SGMS2: variants seen among roughly 807,000 people sequenced by gnomAD.
SGMS2 encodes sphingomyelin synthase 2.
A neutral mutation model predicts 43.8 loss-of-function variants in SGMS2; 21 were observed. That is an observed-to-expected ratio of 0.48 (90% CI 0.34 to 0.69). The LOEUF (loss-of-function observed/expected upper bound fraction) is 0.69. SGMS2 is among the 30% of genes least tolerant of loss of function. SGMS2 has a pLI of 0.01. For missense variants in SGMS2, 384 were observed against 443.2 expected (o/e 0.87, Z 1.20); for synonymous variants, 167 against 160.6 (o/e 1.04, Z -0.30).
chr4:107,906,819 A>G (rs1471170492), intron 5 of SGMS2, among the ~76,000 whole-genome samples: 1 of 152,240 alleles, frequency 6.6e-6, no homozygotes, highest in Non-Finnish European at 1.5e-5. Context: ...GACCTACTTC[A>G]ACTTTGCTTC....
chr4:107,906,214 G>A (rs773982125), intron 5 of SGMS2, among the ~76,000 whole-genome samples: 18 of 151,922 alleles, frequency 1.2e-4, no homozygotes, highest in South Asian at 4.2e-4. Context: ...TTACTTTCCC[G>A]CCTTTTGATC....
Position 107,903,345 on chromosome 4 carries a change from A to ACT in SGMS2, c.687_688insTC (p.Thr230SerfsTer5). Reference sequence around the variant, plus strand: ...TGTGGAGACTTCCTCTTCAGCGGTCACACGGTTACGCTGACACTGACTTAT... The same window carrying ACT: ...TGTGGAGACTTCCTCTTCAGCGGTCACTCACGGTTACGCTGACACTGACTTAT... On this transcript the variant is annotated frameshift_variant, in exon 5 of 7. Coordinates refer to ENST00000690982, the MANE Select transcript of SGMS2 (RefSeq NM_001375905.1). LOFTEE classifies it high-confidence loss of function. The ACT allele has an allele frequency of 6.2e-7, 1 of 1,613,906 alleles. No homozygotes were observed. The highest frequency in any genetic ancestry group is 8.5e-7 in the Non-Finnish European group (1 of 1,179,826).
chr4:107,845,201 A>G (rs1726744808), intron 1 of SGMS2, among the ~76,000 whole-genome samples: 1 of 152,188 alleles, frequency 6.6e-6, no homozygotes, highest in African/African-American at 2.4e-5. Flanking sequence ...ATGTCGTAGC[A>G]TCCTGCAAGA....
Position 107,912,338 on chromosome 4 carries a change from C to T in SGMS2, c.*1785C>T, listed in dbSNP as rs1398274125. On this transcript the variant is annotated 3_prime_UTR_variant, in exon 7 of 7. Transcript: ENST00000690982. ...AACATCCTTGGCAGGCTTTGAAGCACACAGAATTTTCTAGTATTTCTTATT... is the reference window on the plus strand; with the variant it reads ...AACATCCTTGGCAGGCTTTGAAGCATACAGAATTTTCTAGTATTTCTTATT... The T allele has an allele frequency of 2.6e-5, 4 of 152,290 alleles. No individual in the cohort carries two copies. Among genetic ancestry groups the T allele is most frequent in the South Asian group, 4.1e-4 (2 of 4,824 alleles). 9.4% of individuals were successfully genotyped at this position (152,290 alleles called of 1,614,324 possible).
chr4:107,861,242 GAACA>G (rs370625137), intron 2 of SGMS2, among the ~76,000 whole-genome samples: 2 of 152,154 alleles, frequency 1.3e-5, no homozygotes, highest in South Asian at 2.1e-4. Context: ...TTCAGCATGG[GAACA>G]AACATTCTTC....
At chr4:107,868,601 C>T (rs774540835) in intron 2 of SGMS2, among the ~76,000 whole-genome samples, 1 of 152,090 alleles carries the variant, frequency 6.6e-6, no homozygotes, top group Non-Finnish European at 1.5e-5. Flanking sequence ...GCCTGTAATC[C>T]TAGCTACTCG....
At chr4:107,862,440 A>C (rs2126034902) in intron 2 of SGMS2, among the ~76,000 whole-genome samples, 1 of 152,326 alleles carries the variant, frequency 6.6e-6, no homozygotes, top group African/African-American at 2.4e-5. Flanking sequence ...GAATATGTGA[A>C]AGAACTAATT....
intron 1 of SGMS2, among the ~76,000 whole-genome samples, chr4:107,828,326 G>A (rs1000637812): frequency 2.0e-5 from 3 of 152,126 alleles, no homozygotes; most frequent in East Asian, 1.9e-4. Context: ...ACTCCAACCC[G>A]GTGAGGTAGG....
At chr4:107,850,236 T>C (rs1424877805) in intron 1 of SGMS2, among the ~76,000 whole-genome samples, 1 of 152,236 alleles carries the variant, frequency 6.6e-6, no homozygotes, top group African/African-American at 2.4e-5. Context: ...GATGCCAGCA[T>C]CATGCTTCCT....
chr4:107,905,737 G>A (rs146261731), intron 5 of SGMS2, among the ~76,000 whole-genome samples: 215 of 152,244 alleles, frequency 1.4e-3, no homozygotes, highest in African/African-American at 4.9e-3. Context: ...TAACTCTATC[G>A]TATTGCCAAG....
At chr4:107,890,111 G>A (rs10019025) in intron 2 of SGMS2, among the ~76,000 whole-genome samples, 107,896 of 152,100 alleles carry the variant, frequency 0.71, 39,050 homozygotes, top group African/African-American at 0.84. Flanking sequence ...CTCTGTTGCA[G>A]TAACTATTTT....
chr4:107,878,474 A>G (rs899344477), intron 2 of SGMS2, among the ~76,000 whole-genome samples: 2 of 152,216 alleles, frequency 1.3e-5, no homozygotes, highest in Non-Finnish European at 2.9e-5. Context: ...TATTTCAAAT[A>G]TCCCCTAGTC....
chr4:107,886,658 TTTAC>T (rs1008837932), intron 2 of SGMS2: 1 of 152,166 alleles, frequency 6.6e-6, no homozygotes, highest in Non-Finnish European at 1.5e-5. Context: ...AGTGACATTC[TTTAC>T]TTACCACAGG....
At chr4:107,879,178 A>G (rs1428923393) in intron 2 of SGMS2, among the ~76,000 whole-genome samples, 2 of 146,180 alleles carry the variant, frequency 1.4e-5, no homozygotes, top group African/African-American at 5.1e-5. Flanking sequence ...GTAAATTTTG[A>G]TGAATTTTGC....
chr4:107,846,131 C>CT, intron 1 of SGMS2, among the ~76,000 whole-genome samples: 1 of 151,704 alleles, frequency 6.6e-6, no homozygotes, highest in East Asian at 1.9e-4. Context: ...TATAATTGTA[C>CT]TTTAAGTTTT....
intron 2 of SGMS2, among the ~76,000 whole-genome samples, chr4:107,862,593 G>A (rs1047480012): frequency 1.3e-5 from 2 of 152,010 alleles, no homozygotes; most frequent in East Asian, 1.9e-4. Flanking sequence ...CAGCTACAAA[G>A]GACCTGTTTA....
chr4:107,889,108 T>G (rs1468853770), intron 2 of SGMS2, among the ~76,000 whole-genome samples: 1 of 152,160 alleles, frequency 6.6e-6, no homozygotes, highest in Admixed American at 6.6e-5. Context: ...ACAGTAACAG[T>G]CCTTTCTCAA....
Position 107,881,354 on chromosome 4 carries a change from A to G in SGMS2, c.-244-13956A>G, listed in dbSNP as rs112270128. Among the ~76,000 whole-genome samples, 1,472 of 152,290 alleles carry G rather than the reference A, an allele frequency of 9.7e-3. 14 individuals carry two copies. The highest frequency in any genetic ancestry group is 0.01 in the Non-Finnish European group (709 of 68,036). ...ATGGAATGGTACTAGAGGCAGTGGTATACCATTTAGGCACAGAGGCTCCTG... is the reference window on the plus strand; with the variant it reads ...ATGGAATGGTACTAGAGGCAGTGGTGTACCATTTAGGCACAGAGGCTCCTG... On this transcript the variant is annotated intron_variant, in intron 2 of 6. Coordinates refer to ENST00000690982, the MANE Select transcript of SGMS2 (RefSeq NM_001375905.1).
intron 2 of SGMS2, among the ~76,000 whole-genome samples, chr4:107,865,048 C>T (rs1728014780): frequency 6.6e-6 from 1 of 152,088 alleles, no homozygotes; most frequent in African/African-American, 2.4e-5. Context: ...ACTGAACAAA[C>T]ATAACATTTT....
Sources: gnomAD v4.1 joint callset for allele counts (sites outside exome capture counted in the v4.1 genomes callset) on GRCh38, gnomAD v4.1.1 for gene constraint, MANE v1.5 for transcripts, NCBI Gene and HGNC (gene_info 2026-07-23, HGNC 2026-07-21) for gene names.